The following GPR19 variants were observed in gnomAD, a reference collection of about 807,000 sequenced individuals.
GPR19 encodes probable G protein-coupled receptor 19.
Under a neutral mutation model 28.5 loss-of-function variants are expected in GPR19, and 14 were observed. The ratio of observed to expected loss-of-function variants is 0.49; its 90% confidence interval spans 0.32 to 0.77. The LOEUF (loss-of-function observed/expected upper bound fraction) is 0.77, where lower values mean the gene tolerates loss of function less well. Among genes scored for constraint, GPR19 ranks in the 30% least tolerant of loss-of-function variants. The pLI is 0.03. For synonymous variants in GPR19, 173 were observed against 184.1 expected (o/e 0.94, Z 0.49); for missense variants, 409 against 504.1 (o/e 0.81, Z 1.81).
intron 2 of GPR19, among the ~76,000 whole-genome samples, chr12:12,692,756 C>T (rs534833128): frequency 1.3e-5 from 2 of 151,436 alleles, no homozygotes; most frequent in African/African-American, 4.9e-5. Flanking sequence ...GCTTTCTGAG[C>T]AAAAGTACTA....
At chr12:12,665,862 C>T (rs924823851) in intron 3 of GPR19, among the ~76,000 whole-genome samples, 1 of 136,840 alleles carries the variant, frequency 7.3e-6, no homozygotes, top group Non-Finnish European at 1.5e-5. Context: ...AACAAAGATA[C>T]GTAAGCAGTG....
intron 3 of GPR19, among the ~76,000 whole-genome samples, chr12:12,681,627 T>C (rs1946023918): frequency 1.3e-5 from 2 of 152,200 alleles, no homozygotes; most frequent in Admixed American, 1.3e-4. Context: ...GCCAGCTGGT[T>C]TGTGCTTCCG....
intron 2 of GPR19, among the ~76,000 whole-genome samples, chr12:12,686,267 T>C (rs990196692): frequency 6.6e-6 from 1 of 152,264 alleles, no homozygotes; most frequent in Non-Finnish European, 1.5e-5. Context: ...CTGAAGGTCC[T>C]TCCTGGATCA....
intron 3 of GPR19, among the ~76,000 whole-genome samples, chr12:12,682,462 C>T (rs1278075114): frequency 2.0e-5 from 3 of 152,202 alleles, no homozygotes; most frequent in African/African-American, 7.2e-5. Flanking sequence ...TGAGTCTTCT[C>T]AGTCTTCATT....
the GPR19 span, among the ~76,000 whole-genome samples, chr12:12,716,394 T>C: frequency 6.6e-6 from 1 of 152,114 alleles, no homozygotes; most frequent in African/African-American, 2.4e-5. Context: ...GGAGCTGTTG[T>C]ATTTGGCGGC....
chr12:12,662,522 A>C, intron 3 of GPR19, 52 bp from the exon 4 acceptor site: 1 of 1,301,382 alleles, frequency 7.7e-7, no homozygotes, highest in South Asian at 1.3e-5. Context: ...TGTCATACAG[A>C]TTGGTTATGA....
At chr12:12,716,774 T>C in the GPR19 span, 9 of 985,242 alleles carry the variant, frequency 9.1e-6, no homozygotes, top group Non-Finnish European at 1.1e-5. Flanking sequence ...CAGAAACTTC[T>C]GGGTTAAGGC....
At position 12,689,481 on chromosome 12, in the gene GPR19, C is replaced by A. The variant is rs570495005; in HGVS notation, c.-179-4974G>T. 5.3e-5 allele frequency among the ~76,000 whole-genome samples: 8 copies of A among 152,136 alleles called. No homozygotes were observed. The South Asian group carries it at 1.5e-3, about 28-fold the overall frequency. On this transcript the variant is annotated intron_variant, in intron 2 of 3. Coordinates refer to ENST00000651487, the MANE Select transcript of GPR19 (RefSeq NM_006143.3). Reference sequence around the variant, plus strand: ...TCATCTACAGAAAAAAGTGACAGGACCTCTTTGGGAGGTATTATGAAAGAT... The same window carrying A: ...TCATCTACAGAAAAAAGTGACAGGAACTCTTTGGGAGGTATTATGAAAGAT...
At chr12:12,673,491 T>C (rs1032163120) in intron 3 of GPR19, among the ~76,000 whole-genome samples, 8 of 152,200 alleles carry the variant, frequency 5.3e-5, no homozygotes, top group African/African-American at 1.9e-4. Flanking sequence ...AATGTCTTTA[T>C]GGCTTAAGCC....
intron 3 of GPR19, among the ~76,000 whole-genome samples, chr12:12,680,321 T>C (rs1945999337): frequency 6.6e-6 from 1 of 152,172 alleles, no homozygotes; most frequent in Non-Finnish European, 1.5e-5. Flanking sequence ...TTTCCTCAGC[T>C]AAAATTGGGG....
chr12:12,671,008 C>T (rs1945848973), intron 3 of GPR19, among the ~76,000 whole-genome samples: 1 of 151,946 alleles, frequency 6.6e-6, no homozygotes, highest in African/African-American at 2.4e-5. Context: ...AGAATCTATT[C>T]TGCTTAAATT....
intron 3 of GPR19, among the ~76,000 whole-genome samples, chr12:12,665,997 A>G (rs1312614307): frequency 6.6e-6 from 1 of 152,114 alleles, no homozygotes; most frequent in Non-Finnish European, 1.5e-5. Flanking sequence ...AGAAAAGGAA[A>G]GGCTTCACAG....
chr12:12,691,068 C>T (rs535391775), intron 2 of GPR19, among the ~76,000 whole-genome samples: 1 of 151,710 alleles, frequency 6.6e-6, no homozygotes, highest in South Asian at 2.1e-4. Flanking sequence ...AATTGTGATG[C>T]AGAAGTTATA....
At chr12:12,695,560 C>G (rs1946249190) in intron 1 of GPR19, 49 bp from the exon 2 acceptor site, 1 of 152,206 alleles carries the variant, frequency 6.6e-6, no homozygotes. Flanking sequence ...GAGACAGTTC[C>G]CAAATTCCTG....
the GPR19 span, among the ~76,000 whole-genome samples, chr12:12,707,922 G>T: frequency 7.6e-6 from 1 of 131,260 alleles, no homozygotes; most frequent in East Asian, 2.5e-4. Context: ...GTCCACTTAT[G>T]TTTTAACCAT....
At chr12:12,694,364 A>T (rs1946232697) in intron 2 of GPR19, among the ~76,000 whole-genome samples, 1 of 149,180 alleles carries the variant, frequency 6.7e-6, no homozygotes, top group Non-Finnish European at 1.5e-5. Context: ...ACGCCCGGCT[A>T]ATTTTTTGTA....
chr12:12,671,945 T>C (rs1226023151), intron 3 of GPR19, among the ~76,000 whole-genome samples: 1 of 152,104 alleles, frequency 6.6e-6, no homozygotes, highest in African/African-American at 2.4e-5. Flanking sequence ...TTAGTGAAAA[T>C]GAAAACAGAA....
At chr12:12,703,082 T>C in the GPR19 span, among the ~76,000 whole-genome samples, 2 of 152,224 alleles carry the variant, frequency 1.3e-5, no homozygotes, top group Non-Finnish European at 2.9e-5. Context: ...CTTTGTCTTA[T>C]TTGTTTCTGG....
intron 1 of GPR19, 117 bp downstream of exon 1, chr12:12,695,948 T>C (rs1297549146): frequency 6.6e-6 from 1 of 152,286 alleles, no homozygotes; most frequent in Non-Finnish European, 1.5e-5. Context: ...TTCTCTCTTA[T>C]TCTACAACCT....
Sources: allele counts gnomAD v4.1 joint callset (sites outside exome capture counted in the v4.1 genomes callset), GRCh38; gene constraint gnomAD v4.1.1; transcripts MANE v1.5; gene names NCBI Gene and HGNC (gene_info 2026-07-23, HGNC 2026-07-21).